Variants in AP3S1 observed in about 807,000 individuals in gnomAD.
The protein encoded by AP3S1 is adaptor related protein complex 3 subunit sigma 1.
A neutral mutation model predicts 21.3 loss-of-function variants in AP3S1; 12 were observed. The observed-to-expected ratio is 0.56, with a 90% CI of 0.36 to 0.91. The LOEUF (loss-of-function observed/expected upper bound fraction) is 0.91, where lower values mean the gene tolerates loss of function less well. AP3S1 is among the 40% of genes least tolerant of loss of function. The pLI is 0.01. For missense variants in AP3S1, 116 were observed against 225.0 expected, an observed-to-expected ratio of 0.52 and a Z score of 3.10; for synonymous variants, 48 against 78.4, an observed-to-expected ratio of 0.61 and a Z score of 2.05.
intron 3 of AP3S1, among the ~76,000 whole-genome samples, chr5:115,891,725 C>T (rs1214562598): frequency 6.6e-6 from 1 of 152,054 alleles, no homozygotes; most frequent in African/African-American, 2.4e-5. Context: ...TCCTCCAGAC[C>T]CCAGAATGAT....
In AP3S1 at chr5:115,875,902, G is replaced by A. The variant is rs147197324; in HGVS notation, c.273+5774G>A. ...TGTTATTTTCATGCTTGAGAAGTCT[G>A]ATTTCCAGCAATTGCAAATATAATA... is the stretch of plus-strand genomic sequence containing the variant. On this transcript the variant is annotated intron_variant, in intron 3 of 5. Coordinates refer to ENST00000316788, the MANE Select transcript of AP3S1 (RefSeq NM_001284.4). Among the ~76,000 whole-genome samples, 772 of 152,212 alleles carry A rather than the reference G, an allele frequency of 5.1e-3. 2 individuals carry two copies. The highest frequency in any genetic ancestry group is 7.3e-3 in the South Asian group (35 of 4,820).
At chr5:115,863,867 C>G (rs1258032459) in intron 1 of AP3S1, among the ~76,000 whole-genome samples, 5 of 152,146 alleles carry the variant, frequency 3.3e-5, no homozygotes, top group Admixed American at 3.3e-4. Flanking sequence ...TTAAAAATGT[C>G]AAGATGACAG....
intron 1 of AP3S1, among the ~76,000 whole-genome samples, chr5:115,862,544 T>G (rs1234750095): frequency 1.3e-5 from 2 of 152,200 alleles, no homozygotes. Flanking sequence ...AAAGATGCAG[T>G]ATTAAATTAT....
intron 4 of AP3S1, among the ~76,000 whole-genome samples, chr5:115,900,179 G>A (rs1010336955): frequency 3.3e-5 from 5 of 152,074 alleles, no homozygotes; most frequent in African/African-American, 1.2e-4. Flanking sequence ...ATATAGGAAA[G>A]GCCAGATAAA....
intron 1 of AP3S1, among the ~76,000 whole-genome samples, chr5:115,849,121 A>G (rs1360567831): frequency 6.6e-6 from 1 of 152,150 alleles, no homozygotes; most frequent in African/African-American, 2.4e-5. Flanking sequence ...GTATGGCCCT[A>G]TTCTAAGCAC....
At chr5:115,880,795 T>C (rs543211016) in intron 3 of AP3S1, among the ~76,000 whole-genome samples, 2 of 152,258 alleles carry the variant, frequency 1.3e-5, no homozygotes, top group South Asian at 4.2e-4. Context: ...ATATTGACAA[T>C]GGGGTGTTAA....
chr5:115,863,083 C>A (rs1011228971), intron 1 of AP3S1, among the ~76,000 whole-genome samples: 2 of 151,902 alleles, frequency 1.3e-5, no homozygotes, highest in African/African-American at 4.8e-5. Context: ...GCCAATATGG[C>A]AAAACCCCTT....
chr5:115,884,201 A>G (rs1463512519), intron 3 of AP3S1, among the ~76,000 whole-genome samples: 1 of 152,144 alleles, frequency 6.6e-6, no homozygotes, highest in Non-Finnish European at 1.5e-5. Flanking sequence ...TTTTATGCTC[A>G]TATTTTGGCA....
intron 1 of AP3S1, among the ~76,000 whole-genome samples, chr5:115,856,048 T>C (rs779086474): frequency 3.3e-5 from 5 of 152,144 alleles, no homozygotes; most frequent in Non-Finnish European, 7.3e-5. Context: ...ATAATAAAAG[T>C]TTGTGCCCTT....
At chr5:115,909,685 G>A (rs1011213195) in intron 5 of AP3S1, among the ~76,000 whole-genome samples, 12 of 152,208 alleles carry the variant, frequency 7.9e-5, no homozygotes, top group Middle Eastern at 3.4e-3. Flanking sequence ...TTTCTGCTGT[G>A]TGTCAACTAT....
intron 5 of AP3S1, among the ~76,000 whole-genome samples, chr5:115,911,756 T>C (rs984233588): frequency 2.0e-5 from 3 of 151,876 alleles, no homozygotes; most frequent in African/African-American, 7.2e-5. Flanking sequence ...TTAATTATTA[T>C]TTAGTTGTAT....
chr5:115,882,070 T>C (rs1749345969), intron 3 of AP3S1, among the ~76,000 whole-genome samples: 1 of 151,988 alleles, frequency 6.6e-6, no homozygotes, highest in Non-Finnish European at 1.5e-5. Context: ...TGTTCCTCTC[T>C]AAACTGGTTA....
chr5:115,907,512 C>A (rs1207048243), intron 5 of AP3S1, among the ~76,000 whole-genome samples: 1 of 152,168 alleles, frequency 6.6e-6, no homozygotes, highest in Admixed American at 6.5e-5. Flanking sequence ...GATCAGAAAT[C>A]TTATAAAACT....
intron 3 of AP3S1, among the ~76,000 whole-genome samples, chr5:115,879,901 C>G (rs1749118936): frequency 6.6e-6 from 1 of 152,128 alleles, no homozygotes; most frequent in Non-Finnish European, 1.5e-5. Flanking sequence ...TGGTCTGGTT[C>G]AGAGATTCGA....
Position 115,889,271 on chromosome 5 carries a change from A to G in AP3S1, c.274-5816A>G, listed in dbSNP as rs538802710. On this transcript the variant is annotated intron_variant, in intron 3 of 5. Coordinates refer to ENST00000316788, the MANE Select transcript of AP3S1 (RefSeq NM_001284.4). ...GGTTAAAAAAGTATGACTGCAACATATAGGTAATCAATGGAACTAGAAAAA... is the reference window on the plus strand; with the variant it reads ...GGTTAAAAAAGTATGACTGCAACATGTAGGTAATCAATGGAACTAGAAAAA... Among the ~76,000 whole-genome samples, 6 of 152,326 alleles carry G rather than the reference A, an allele frequency of 3.9e-5. No homozygotes were observed. The East Asian group carries it at 7.7e-4, about 20-fold the overall frequency.
intron 2 of AP3S1, among the ~76,000 whole-genome samples, chr5:115,867,701 C>T (rs898239729): frequency 2.0e-5 from 3 of 152,108 alleles, no homozygotes; most frequent in African/African-American, 7.2e-5. Flanking sequence ...GACAAGTGTA[C>T]CTGCTTCTGT....
intron 1 of AP3S1, among the ~76,000 whole-genome samples, chr5:115,852,811 G>C (rs1453136717): frequency 6.6e-6 from 1 of 151,974 alleles, no homozygotes; most frequent in African/African-American, 2.4e-5. Context: ...ACTTTTTATA[G>C]CTAAATAATA....
At chr5:115,857,003 G>A (rs910731749) in intron 1 of AP3S1, among the ~76,000 whole-genome samples, 2 of 152,052 alleles carry the variant, frequency 1.3e-5, no homozygotes, top group African/African-American at 2.4e-5. Flanking sequence ...GGTAACCACC[G>A]CTACTGATTT....
At chr5:115,848,893 A>T (rs1368044079) in intron 1 of AP3S1, among the ~76,000 whole-genome samples, 1 of 152,216 alleles carries the variant, frequency 6.6e-6, no homozygotes, top group East Asian at 1.9e-4. Flanking sequence ...CAACTCTTAG[A>T]AGGATATTGA....
Sources: gnomAD v4.1 joint callset for allele counts (sites outside exome capture counted in the v4.1 genomes callset) on GRCh38, gnomAD v4.1.1 for gene constraint, MANE v1.5 for transcripts, NCBI Gene and HGNC (gene_info 2026-07-23, HGNC 2026-07-21) for gene names.